Variants in SRP54 observed in about 807,000 individuals in gnomAD.
SRP54 encodes the protein signal recognition particle 54, also known as signal recognition particle subunit SRP54.
A neutral mutation model predicts 64.8 loss-of-function variants in SRP54; 10 were observed. That is an observed-to-expected ratio of 0.15 (90% CI 0.10 to 0.26). The LOEUF is 0.26. Among genes scored for constraint, SRP54 ranks in the 10% least tolerant of loss-of-function variants. SRP54 has a pLI of 1.00. For synonymous variants in SRP54, 193 were observed against 185.6 expected, an observed-to-expected ratio of 1.04 and a Z score of -0.32; for missense variants, 325 against 613.7, an observed-to-expected ratio of 0.53 and a Z score of 4.97.
In SRP54 at chr14:35,016,545, C is replaced by T. The variant is rs568715803; in HGVS notation, c.973+1715C>T. 1.2e-4 allele frequency among the ~76,000 whole-genome samples: 19 copies of T among 152,364 alleles called. No individual in the cohort carries two copies. In the East Asian group the frequency reaches 3.7e-3, roughly 29 times the overall value. On this transcript the variant is annotated intron_variant, in intron 11 of 15. Transcript: ENST00000216774. ...CCAAGATGGCTAACTGCTACTTGCA[C>T]TTCAGATTTCTCCTTAAATGTCCTT...
intron 10 of SRP54, 52 bp downstream of exon 10, chr14:35,013,954 T>A (rs754132235): frequency 7.8e-7 from 1 of 1,274,122 alleles, no homozygotes; most frequent in Non-Finnish European, 1.1e-6. Flanking sequence ...ACGATGTATC[T>A]TTAGGACAAA....
Position 35,014,290 on chromosome 14 carries a change from T to TTTTTTTTTTTTTTTTTTTTTTTTTTTTTG in SRP54, c.886+392_886+393insTTTTTTTTTTTTTTTTTTTTTTTTGTTTT, listed in dbSNP as rs376712278. On this transcript the variant is annotated intron_variant, in intron 10 of 15. Transcript: ENST00000216774. ...TGCCACTTAACTTTTTTTTTTTTTT[T>TTTTTTTTTTTTTTTTTTTTTTTTTTTTTG]TTTTGAGACGGAGTTTCGCTCTTGT... Among the ~76,000 whole-genome samples, 73 of 127,314 alleles carry TTTTTTTTTTTTTTTTTTTTTTTTTTTTTG rather than the reference T, an allele frequency of 5.7e-4. 8 individuals are homozygous for TTTTTTTTTTTTTTTTTTTTTTTTTTTTTG. The highest frequency in any genetic ancestry group is 4.2e-3 in the Middle Eastern group (1 of 240). The allele number at this position is 127,314 out of a possible 152,430, so 83.5% of individuals were successfully genotyped here. A position where few individuals can be genotyped will look rare whatever the true frequency, so the allele number is the denominator to read the frequency against.
At chr14:34,986,989 T>C (rs557356551) in intron 1 of SRP54, among the ~76,000 whole-genome samples, 1 of 151,868 alleles carries the variant, frequency 6.6e-6, no homozygotes, top group Non-Finnish European at 1.5e-5. Flanking sequence ...TCCCAACACT[T>C]TGGGAGGCCA....
At chr14:35,002,270 C>T (rs946735350) in intron 4 of SRP54, among the ~76,000 whole-genome samples, 4 of 151,942 alleles carry the variant, frequency 2.6e-5, no homozygotes, top group Non-Finnish European at 5.9e-5. Context: ...AGGAGTATTG[C>T]TTGAGCCCAG....
intron 1 of SRP54, among the ~76,000 whole-genome samples, chr14:34,986,869 CTG>C (rs1163517793): frequency 1.4e-5 from 2 of 146,452 alleles, no homozygotes; most frequent in Admixed American, 6.8e-5. Context: ...GAGTGAGACT[CTG>C]TCTCAAAAAA....
chr14:35,029,080 G>C lies in SRP54; in HGVS notation c.1443G>C (p.Gln481His), dbSNP rs1237050599. The C allele has an allele frequency of 6.2e-7, 1 of 1,613,828 alleles. No homozygotes were observed. Among genetic ancestry groups the C allele is most frequent in the African/African-American group, 1.3e-5 (1 of 75,034 alleles). ...LHHMGGMAGLQSMMRQFQQGA... is the reference protein window; with the variant it reads ...LHHMGGMAGLHSMMRQFQQGA... ...CTCTAGGTGGTATGGCAGGACTTCA[G>C]TCAATGATGAGGCAGTTTCAACAGG... Residue 481 changes from glutamine (Q) to histidine (H), a missense_variant, in exon 16 of 16, where the codon CAG (glutamine) becomes CAC (histidine). By Grantham distance (24) the Gln-to-His change is conservative (BLOSUM62 0). Around this residue, in one of 3 missense-constraint regions of SRP54, gnomAD observed 146 missense variants for 337.4 expected, o/e 0.43. Transcript: ENST00000216774.
intron 13 of SRP54, among the ~76,000 whole-genome samples, chr14:35,021,110 G>A (rs1476890242): frequency 6.6e-6 from 1 of 152,126 alleles, no homozygotes; most frequent in South Asian, 2.1e-4. Context: ...GGTTTTGATC[G>A]TGACTTTATT....
At chr14:34,992,596 C>T (rs1425865074) in intron 1 of SRP54, among the ~76,000 whole-genome samples, 1 of 151,938 alleles carries the variant, frequency 6.6e-6, no homozygotes, top group Non-Finnish European at 1.5e-5. Flanking sequence ...CATAGGTACC[C>T]ATGGACATAA....
intron 14 of SRP54, among the ~76,000 whole-genome samples, chr14:35,026,055 CAA>C (rs564680386): frequency 7.2e-4 from 72 of 99,580 alleles, no homozygotes; most frequent in East Asian, 1.1e-3. Flanking sequence ...GAGCCTGTCT[CAA>C]AAAAAAAAAA....
At chr14:35,004,204 G>C (rs28373866) in intron 4 of SRP54, among the ~76,000 whole-genome samples, 56,012 of 151,950 alleles carry the variant, frequency 0.37, 10,945 homozygotes, top group East Asian at 0.69. Context: ...GAGCTGAGAT[G>C]ACACCATTGC....
intron 3 of SRP54, 65 bp from the exon 4 acceptor site, chr14:35,000,871 T>C: frequency 1.2e-6 from 1 of 843,766 alleles, no homozygotes; most frequent in East Asian, 2.8e-5. Context: ...CAGAAGCTTC[T>C]TTTTCTTAGA....
intron 2 of SRP54, among the ~76,000 whole-genome samples, chr14:34,998,801 G>A (rs1157150691): frequency 6.7e-6 from 1 of 149,110 alleles, no homozygotes; most frequent in South Asian, 2.1e-4. Flanking sequence ...CAACAAGAGC[G>A]AAACTCTGAA....
At position 35,013,296 on chromosome 14, in the gene SRP54, G is replaced by C; in HGVS notation, c.637-50G>C. On this transcript the variant is annotated intron_variant, in intron 8 of 15. Coordinates refer to ENST00000216774, the MANE Select transcript of SRP54 (RefSeq NM_003136.4). ...AGCTTCTAATGATGACATTTGCTTA[G>C]GATCAATAAAAATCTTTTCTAAAGT... The C allele has an allele frequency of 2.0e-6, 3 of 1,528,300 alleles. No homozygotes were observed. In the East Asian group the frequency reaches 6.8e-5, roughly 34 times the overall value. 94.7% of individuals were successfully genotyped at this position (1,528,300 alleles called of 1,614,324 possible). A position where few individuals can be genotyped will look rare whatever the true frequency, so the allele number is the denominator to read the frequency against.
intron 4 of SRP54, among the ~76,000 whole-genome samples, chr14:35,005,638 C>A (rs2044244584): frequency 6.6e-6 from 1 of 152,074 alleles, no homozygotes; most frequent in African/African-American, 2.4e-5. Context: ...TCAATGAATC[C>A]TCCTCCTTTG....
intron 13 of SRP54, among the ~76,000 whole-genome samples, chr14:35,019,902 G>A (rs576668316): frequency 1.3e-5 from 2 of 152,188 alleles, no homozygotes; most frequent in African/African-American, 2.4e-5. Context: ...ATTGTTGGCC[G>A]GGCGCAGTGG....
rs372421262 is a variant in SRP54 at position 34,996,236 on chromosome 14, C to G, written c.-33-441C>G. On this transcript the variant is annotated intron_variant, in intron 1 of 15. Transcript: ENST00000216774. ...ATTAAAACCTTTTTTCTTTTTTTTGCTTAGGAGCAAGAATCAAAATAGTTT... is the reference window on the plus strand; with the variant it reads ...ATTAAAACCTTTTTTCTTTTTTTTGGTTAGGAGCAAGAATCAAAATAGTTT... Among the ~76,000 whole-genome samples the G allele has an allele frequency of 2.0e-5, 3 of 150,920 alleles. No individual in the cohort carries two copies. The East Asian group carries it at 5.8e-4, about 29-fold the overall frequency.
chr14:35,028,044 T>C lies in SRP54; in HGVS notation c.1328-44T>C, dbSNP rs780991520. 3 of 1,329,732 alleles carry C rather than the reference T, an allele frequency of 2.3e-6. No homozygotes were observed. In the South Asian group the frequency reaches 3.8e-5, roughly 17 times the overall value. The allele number at this position is 1,329,732 out of a possible 1,614,324, so 82.4% of individuals were successfully genotyped here. A position where few individuals can be genotyped will look rare whatever the true frequency, so the allele number is the denominator to read the frequency against. ...TTATACCCTGATTATACTGATTATA[T>C]TACCTCCTACGCTGACTCAAAATCT... On this transcript the variant is annotated intron_variant, in intron 14 of 15. Transcript: ENST00000216774.
At position 35,013,467 on chromosome 14, in the gene SRP54, A is replaced by G. The variant is rs1282073104; in HGVS notation, c.758A>G (p.His253Arg). 3 of 1,614,102 alleles carry G rather than the reference A, an allele frequency of 1.9e-6. No homozygotes were observed. The highest frequency in any genetic ancestry group is 2.2e-5 in the East Asian group (1 of 44,894). The change falls in exon 9 of 16, where the codon CAT becomes CGT. Residue 253 changes from histidine (H) to arginine (R), a missense_variant. Around this residue, in one of 3 missense-constraint regions of SRP54, gnomAD observed 146 missense variants for 337.4 expected, o/e 0.43. Transcript: ENST00000216774. ...ASVIVTKLDG[H>R]AKGGGALSAV... Reference sequence around the variant, plus strand: ...GTAATAGTGACAAAACTTGATGGCCATGCAAAAGGAGGTGGTGCACTCAGT... The same window carrying G: ...GTAATAGTGACAAAACTTGATGGCCGTGCAAAAGGAGGTGGTGCACTCAGT...
At chr14:35,008,886 T>G in intron 7 of SRP54, 55 bp downstream of exon 7, 2 of 655,392 alleles carry the variant, frequency 3.1e-6, no homozygotes, top group Non-Finnish European at 2.2e-6. Context: ...TCTGTCAGCT[T>G]TTTTTTTTTT....
Sources: gnomAD v4.1 joint callset for allele counts (sites outside exome capture counted in the v4.1 genomes callset) on GRCh38, gnomAD v4.1.1 for gene constraint, gnomAD v4.1.1 regional missense constraint, MANE v1.5 for transcripts, NCBI Gene and HGNC (gene_info 2026-07-23, HGNC 2026-07-21) for gene names.